SLCO3A1: variants seen among roughly 807,000 people sequenced by gnomAD.
SLCO3A1 encodes solute carrier organic anion transporter family member 3A1, also known as PGE1 transporter.
SLCO3A1 carries 27 observed loss-of-function variants against 63.1 expected under a neutral mutation model. The observed-to-expected ratio is 0.43, with a 90% CI of 0.32 to 0.59. SLCO3A1 has a LOEUF of 0.59. Ranked by LOEUF, SLCO3A1 falls within the 20% of genes least tolerant of loss-of-function variation. The pLI is 0.09. For missense variants in SLCO3A1, 773 were observed against 945.8 expected, an observed-to-expected ratio of 0.82 and a Z score of 2.40; for synonymous variants, 473 against 409.9, an observed-to-expected ratio of 1.15 and a Z score of -1.86.
chr15:92,103,522 C>CATTAATTA lies in SLCO3A1; in HGVS notation c.746-746_746-739dup, dbSNP rs3030618. ...AACCACAGGCCACCAACAAAGTTGGCATTAATTAATTAATTAATGCATGGA... is the reference window on the plus strand; with the variant it reads ...AACCACAGGCCACCAACAAAGTTGGCATTAATTAATTAATTAATTAATTAATGCATGGA... On this transcript the variant is annotated intron_variant, in intron 3 of 9. Transcript: ENST00000318445. 3.2e-3 allele frequency among the ~76,000 whole-genome samples: 481 copies of CATTAATTA among 150,312 alleles called. 2 individuals carry two copies. The highest frequency in any genetic ancestry group is 6.8e-3 in the African/African-American group (276 of 40,838).
At chr15:92,142,195 CTT>C (rs1211515112) in intron 7 of SLCO3A1, among the ~76,000 whole-genome samples, 1 of 152,220 alleles carries the variant, frequency 6.6e-6, no homozygotes, top group Non-Finnish European at 1.5e-5. Context: ...CGGTCTCTGG[CTT>C]TTCTTCTTCT....
rs1244533040 is a variant in SLCO3A1, at chr15:91,860,941, A to G, written c.180+6853A>G. 1.3e-5 allele frequency among the ~76,000 whole-genome samples: 2 copies of G among 152,072 alleles called. No individual in the cohort carries two copies. The highest frequency in any genetic ancestry group is 2.4e-5 in the African/African-American group (1 of 41,410). ...GGTTTCCCATCCCATGGATTCATCC[A>G]TCTCGGCTTACGGACATACCTTCTG... On this transcript the variant is annotated intron_variant, in intron 1 of 9. Coordinates refer to ENST00000318445, the MANE Select transcript of SLCO3A1 (RefSeq NM_013272.4). This position sits in a 1 kb window ranked among gnomAD's most constrained non-coding sequence, Gnocchi z 5.5.
At chr15:92,058,145 G>A (rs2047043473) in intron 2 of SLCO3A1, among the ~76,000 whole-genome samples, 1 of 151,784 alleles carries the variant, frequency 6.6e-6, no homozygotes, top group African/African-American at 2.4e-5. Context: ...CTAGGTTCCT[G>A]TATAAGCGTG....
intron 1 of SLCO3A1, among the ~76,000 whole-genome samples, chr15:91,890,144 G>C (rs1000481712): frequency 1.3e-5 from 2 of 152,192 alleles, no homozygotes; most frequent in African/African-American, 4.8e-5. Flanking sequence ...ACTCTCAGTA[G>C]TTATTTCCCC....
At chr15:92,040,646 G>A (rs35991737) in intron 2 of SLCO3A1, among the ~76,000 whole-genome samples, 37,635 of 151,966 alleles carry the variant, frequency 0.25, 4,753 homozygotes, top group East Asian at 0.38. Context: ...GTGCAATTTT[G>A]AGGAGCACGT....
chr15:92,157,585 G>A (rs1050538020), intron 9 of SLCO3A1, among the ~76,000 whole-genome samples: 1 of 151,684 alleles, frequency 6.6e-6, no homozygotes, highest in Admixed American at 6.6e-5. Flanking sequence ...CTGCCTCCCA[G>A]GTTCAAGCGA....
rs1900514709 is a variant in SLCO3A1, at chr15:91,963,156, C to G, written c.646+46698C>G. 2.0e-5 allele frequency among the ~76,000 whole-genome samples: 3 copies of G among 152,184 alleles called. No individual in the cohort carries two copies. In the South Asian group the frequency reaches 6.2e-4, roughly 32 times the overall value. On this transcript the variant is annotated intron_variant, in intron 2 of 9. Coordinates refer to ENST00000318445, the MANE Select transcript of SLCO3A1 (RefSeq NM_013272.4). ...ACACCTGTTTAATCCTAAATAGGTCCTGTTAAGAATTCCTTTGTTATCTTG... is the reference window on the plus strand; with the variant it reads ...ACACCTGTTTAATCCTAAATAGGTCGTGTTAAGAATTCCTTTGTTATCTTG...
rs558391132 is a variant in SLCO3A1, at chr15:92,163,942, C to T, written c.*807C>T. On this transcript the variant is annotated 3_prime_UTR_variant, in exon 10 of 10. Coordinates refer to ENST00000318445, the MANE Select transcript of SLCO3A1 (RefSeq NM_013272.4). Reference sequence around the variant, plus strand: ...AGTGACCTCAGGAAGCAGTAGGCCTCGCCTGGCTATGACTGACCCGGCTCA... The same window carrying T: ...AGTGACCTCAGGAAGCAGTAGGCCTTGCCTGGCTATGACTGACCCGGCTCA... 8.1e-5 allele frequency: 80 copies of T among 985,348 alleles called. No homozygotes were observed. The highest frequency in any genetic ancestry group is 5.4e-4 in the African/African-American group (31 of 57,222). The allele number at this position is 985,348 out of a possible 1,614,324, so 61.0% of individuals were successfully genotyped here. A position where few individuals can be genotyped will look rare whatever the true frequency, so the allele number is the denominator to read the frequency against.
chr15:92,039,232 G>T (rs1322128261), intron 2 of SLCO3A1, among the ~76,000 whole-genome samples: 1 of 152,180 alleles, frequency 6.6e-6, no homozygotes, highest in Non-Finnish European at 1.5e-5. Flanking sequence ...TGACAAATGG[G>T]ATCTAATTAA....
intron 7 of SLCO3A1, 99 bp downstream of exon 7, chr15:92,128,588 T>C: frequency 1.8e-6 from 2 of 1,090,156 alleles, no homozygotes; most frequent in Non-Finnish European, 2.6e-6. Flanking sequence ...CCTGTGACTT[T>C]TTCTTAGCTG....
chr15:91,966,152 A>G (rs1900652278), intron 2 of SLCO3A1, among the ~76,000 whole-genome samples: 1 of 152,178 alleles, frequency 6.6e-6, no homozygotes, highest in Admixed American at 6.5e-5. Context: ...AGATAGGTTG[A>G]GAAATGACCC....
intron 1 of SLCO3A1, among the ~76,000 whole-genome samples, chr15:91,877,155 G>T (rs563805618): frequency 6.6e-6 from 1 of 152,308 alleles, no homozygotes; most frequent in South Asian, 2.1e-4. Context: ...GAATTCTGAT[G>T]TGAAAGAATC....
chr15:91,946,579 T>G (rs1298834636), intron 2 of SLCO3A1, among the ~76,000 whole-genome samples: 5 of 152,224 alleles, frequency 3.3e-5, no homozygotes, highest in Non-Finnish European at 1.5e-5. Flanking sequence ...GAATATTCTG[T>G]AACTTTGGAA....
intron 1 of SLCO3A1, among the ~76,000 whole-genome samples, chr15:91,884,511 C>CAA (rs776448274): frequency 0.075 from 7,693 of 102,048 alleles, 397 homozygotes; most frequent in Non-Finnish European, 0.11. Flanking sequence ...GATTCTGTCT[C>CAA]AAAAAAAAAA....
rs1270552741 is a variant in SLCO3A1, at chr15:91,885,495, A to G, written c.181-30498A>G. Among the ~76,000 whole-genome samples, 1 of 152,232 alleles carries G rather than the reference A, an allele frequency of 6.6e-6. No homozygotes were observed. Among genetic ancestry groups the G allele is most frequent in the Non-Finnish European group, 1.5e-5 (1 of 68,044 alleles). On this transcript the variant is annotated intron_variant, in intron 1 of 9. Transcript: ENST00000318445. This position sits in a 1 kb window ranked among gnomAD's most constrained non-coding sequence, Gnocchi z 4.7. ...CAAACTCCAGCATGTCACAAATCATACATTACAGGAAAAGGGAGCCCTTTG... is the reference window on the plus strand; with the variant it reads ...CAAACTCCAGCATGTCACAAATCATGCATTACAGGAAAAGGGAGCCCTTTG...
chr15:91,897,155 G>C lies in SLCO3A1; in HGVS notation c.181-18838G>C, dbSNP rs1010206199. On this transcript the variant is annotated intron_variant, in intron 1 of 9. Transcript: ENST00000318445. This position sits in a 1 kb window ranked among gnomAD's most constrained non-coding sequence, Gnocchi z 4.7. ...ATTTGCCATTGTCTATACAATTGTT[G>C]CTTTTAAAATAAAGACAGGCTGGAT... Among the ~76,000 whole-genome samples, 1 of 152,126 alleles carries C rather than the reference G, an allele frequency of 6.6e-6. No homozygotes were observed. The highest frequency in any genetic ancestry group is 1.5e-5 in the Non-Finnish European group (1 of 68,016).
intron 2 of SLCO3A1, among the ~76,000 whole-genome samples, chr15:91,926,596 T>TGTGTGTGCGCGCGC: frequency 2.7e-4 from 28 of 105,314 alleles, no homozygotes; most frequent in African/African-American, 8.4e-4. Flanking sequence ...TGTGTGTGTG[T>TGTGTGTGCGCGCGC]GCGCGCGCGC....
chr15:91,898,946 G>A (rs963235660), intron 1 of SLCO3A1, among the ~76,000 whole-genome samples: 6 of 152,242 alleles, frequency 3.9e-5, no homozygotes, highest in African/African-American at 7.2e-5. Context: ...CAAATAATGC[G>A]TAAAATGAAA....
intron 1 of SLCO3A1, among the ~76,000 whole-genome samples, chr15:91,903,949 C>A (rs182193195): frequency 1.2e-4 from 17 of 142,150 alleles, no homozygotes; most frequent in Admixed American, 1.1e-3. Flanking sequence ...AGGGGTGGAG[C>A]CGGTGGAGAG....
Sources: gnomAD v4.1 joint callset for allele counts (sites outside exome capture counted in the v4.1 genomes callset) on GRCh38, gnomAD v4.1.1 for gene constraint, Gnocchi (gnomAD v3.1) non-coding constraint, MANE v1.5 for transcripts, NCBI Gene and HGNC (gene_info 2026-07-23, HGNC 2026-07-21) for gene names.